Variants in ARHGAP22 observed in about 807,000 individuals in gnomAD.
ARHGAP22 encodes the protein Rho GTPase activating protein 22.
In ARHGAP22, 48 loss-of-function variants were observed where a neutral mutation model predicts 59.1. That is an observed-to-expected ratio of 0.81 (90% confidence interval 0.64 to 1.03). The LOEUF (loss-of-function observed/expected upper bound fraction) is 1.03, where lower values mean the gene tolerates loss of function less well. Among genes scored for constraint, ARHGAP22 ranks in the 50% least tolerant of loss-of-function variants. The probability of loss-of-function intolerance (pLI) is 0.00; values close to 1 mark genes in which losing one functional copy is unlikely to be tolerated. For synonymous variants in ARHGAP22, 445 were observed against 416.4 expected, an observed-to-expected ratio of 1.07 and a Z score of -0.84; for missense variants, 1,015 against 958.7, an observed-to-expected ratio of 1.06 and a Z score of -0.78.
intron 4 of ARHGAP22, among the ~76,000 whole-genome samples, chr10:48,464,778 T>C (rs2047488896): frequency 6.6e-6 from 1 of 152,114 alleles, no homozygotes; most frequent in African/African-American, 2.4e-5. Context: ...CTATGAAATC[T>C]ATAAAATGGG....
intron 1 of ARHGAP22, among the ~76,000 whole-genome samples, chr10:48,585,889 C>T (rs1241632696): frequency 6.6e-6 from 1 of 152,196 alleles, no homozygotes; most frequent in Non-Finnish European, 1.5e-5. Flanking sequence ...TTTCCAGAGA[C>T]TAACGGGAAG....
At chr10:48,595,921 C>T (rs574862643) in intron 1 of ARHGAP22, among the ~76,000 whole-genome samples, 9 of 152,260 alleles carry the variant, frequency 5.9e-5, no homozygotes, top group Admixed American at 3.9e-4. Context: ...AGCCTCGCCT[C>T]GGCATGAAGA....
At chr10:48,651,630 C>A (rs1025422890) in intron 1 of ARHGAP22, among the ~76,000 whole-genome samples, 6 of 151,966 alleles carry the variant, frequency 3.9e-5, no homozygotes, top group African/African-American at 1.5e-4. Context: ...ATCACCTGCA[C>A]AATCCACCCA....
chr10:48,590,629 C>A (rs2059695085), intron 1 of ARHGAP22, among the ~76,000 whole-genome samples: 2 of 152,216 alleles, frequency 1.3e-5, no homozygotes, highest in Non-Finnish European at 2.9e-5. Context: ...GCCCATAAAC[C>A]CTTGAGTGGC....
At chr10:48,569,365 G>C (rs1047205526) in intron 2 of ARHGAP22, among the ~76,000 whole-genome samples, 7 of 152,206 alleles carry the variant, frequency 4.6e-5, no homozygotes, top group Admixed American at 2.6e-4. Context: ...TGTACCCATC[G>C]TCCTCGGCAG....
At chr10:48,630,335 C>T (rs939808310) in intron 1 of ARHGAP22, among the ~76,000 whole-genome samples, 2 of 152,154 alleles carry the variant, frequency 1.3e-5, no homozygotes, top group African/African-American at 4.8e-5. Context: ...GGTGATCCAC[C>T]CACCTCAGCC....
At chr10:48,491,828 C>T (rs1308938529) in intron 3 of ARHGAP22, among the ~76,000 whole-genome samples, 1 of 152,248 alleles carries the variant, frequency 6.6e-6, no homozygotes, top group Admixed American at 6.5e-5. Context: ...GAAACAGCCC[C>T]AGCTCTAACT....
At chr10:48,586,353 C>A (rs2059422799) in intron 1 of ARHGAP22, among the ~76,000 whole-genome samples, 1 of 152,202 alleles carries the variant, frequency 6.6e-6, no homozygotes, top group Non-Finnish European at 1.5e-5. Flanking sequence ...CCTCACCCAG[C>A]AGGGCAAGCT....
At chr10:48,486,274 T>C (rs1294484797) in intron 3 of ARHGAP22, among the ~76,000 whole-genome samples, 1 of 152,106 alleles carries the variant, frequency 6.6e-6, no homozygotes, top group East Asian at 1.9e-4. Flanking sequence ...ATCTTACCTT[T>C]TACTGGTATA....
chr10:48,447,786 G>A (rs925427918), intron 9 of ARHGAP22, among the ~76,000 whole-genome samples: 2 of 152,184 alleles, frequency 1.3e-5, no homozygotes, highest in Non-Finnish European at 2.9e-5. Flanking sequence ...CAGCCCTGGT[G>A]CACTCTTGGT....
At chr10:48,502,083 G>A (rs2051583477) in intron 3 of ARHGAP22, among the ~76,000 whole-genome samples, 2 of 152,206 alleles carry the variant, frequency 1.3e-5, no homozygotes, top group Non-Finnish European at 2.9e-5. Context: ...CCAGCCCTGT[G>A]TTTTGAGTAC....
At chr10:48,650,899 T>G (rs532005999) in intron 1 of ARHGAP22, among the ~76,000 whole-genome samples, 10 of 152,298 alleles carry the variant, frequency 6.6e-5, no homozygotes, top group African/African-American at 2.4e-4. Context: ...GTTGACAGTG[T>G]GAGAAGTGTC....
the ARHGAP22 span, chr10:48,438,388 A>G: frequency 6.6e-6 from 1 of 152,240 alleles, no homozygotes. Flanking sequence ...ATTGAAGCAG[A>G]AATGTATAGT....
the ARHGAP22 span, chr10:48,436,691 A>C: frequency 6.6e-6 from 1 of 152,234 alleles, no homozygotes; most frequent in Non-Finnish European, 1.5e-5. Context: ...ATCACTGTTA[A>C]TGTGCAATAT....
intron 1 of ARHGAP22, among the ~76,000 whole-genome samples, chr10:48,640,594 C>T (rs149070511): frequency 6.6e-6 from 1 of 152,230 alleles, no homozygotes; most frequent in Non-Finnish European, 1.5e-5. Flanking sequence ...AAGAAAAATA[C>T]AAACTGTTAA....
At chr10:48,602,322 G>A (rs10491034) in intron 1 of ARHGAP22, among the ~76,000 whole-genome samples, 1 of 152,048 alleles carries the variant, frequency 6.6e-6, no homozygotes, top group African/African-American at 2.4e-5. Flanking sequence ...CCTATAACTT[G>A]GCCCATCAGT....
the ARHGAP22 span, among the ~76,000 whole-genome samples, chr10:48,433,418 T>C: frequency 6.6e-6 from 1 of 152,208 alleles, no homozygotes; most frequent in African/African-American, 2.4e-5. Flanking sequence ...AGATATACCA[T>C]ACTGTTCAGT....
intron 1 of ARHGAP22, among the ~76,000 whole-genome samples, chr10:48,637,708 G>A (rs976156117): frequency 2.0e-5 from 3 of 152,110 alleles, no homozygotes; most frequent in Non-Finnish European, 4.4e-5. Context: ...GGATGAATGG[G>A]TGAATGGATG....
chr10:48,451,789 T>TGCCC (rs1183750495), intron 8 of ARHGAP22, among the ~76,000 whole-genome samples: 3 of 138,198 alleles, frequency 2.2e-5, no homozygotes, highest in Non-Finnish European at 4.6e-5. Context: ...GCACATACAA[T>TGCCC]GCCCACTCCC....
Sources: allele counts gnomAD v4.1 joint callset (sites outside exome capture counted in the v4.1 genomes callset), GRCh38; gene constraint gnomAD v4.1.1; transcripts MANE v1.5; gene names NCBI Gene and HGNC (gene_info 2026-07-23, HGNC 2026-07-21).